LNX2: variants seen among roughly 807,000 people sequenced by gnomAD.
The protein encoded by LNX2 is ligand of numb-protein X 2.
Under a neutral mutation model 66.2 loss-of-function variants are expected in LNX2, and 35 were observed. The ratio of observed to expected loss-of-function variants is 0.53; its 90% confidence interval spans 0.40 to 0.70. The LOEUF is 0.70. LNX2 is among the 30% of genes least tolerant of loss of function. The pLI is 0.00. For missense variants in LNX2, 791 were observed against 850.8 expected (o/e 0.93, Z 0.87); for synonymous variants, 337 against 315.6 (o/e 1.07, Z -0.72).
At chr13:27,548,513 G>A (rs1030253211) in intron 9 of LNX2, 43 bp from the exon 10 acceptor site, 1 of 1,576,876 alleles carries the variant, frequency 6.3e-7, no homozygotes, top group Admixed American at 1.9e-5. Flanking sequence ...TATTTTCATG[G>A]TATTAAAAAT....
rs1159488427 is a variant in LNX2 at position 27,581,762 on chromosome 13, AACAG to A, written c.-63_-60del. On this transcript the variant is annotated 5_prime_UTR_variant, in exon 2 of 10. Transcript: ENST00000316334. ...TTCCACTTCACGCTTGGTTTCCTTTAACAGACAGTGATGTATCTGACTAAAGTCA... is the reference window on the plus strand; with the variant it reads ...TTCCACTTCACGCTTGGTTTCCTTTAACAGTGATGTATCTGACTAAAGTCA... The A allele has an allele frequency of 7.0e-7, 1 of 1,438,080 alleles. No individual in the cohort carries two copies. The highest frequency in any genetic ancestry group is 9.4e-7 in the Non-Finnish European group (1 of 1,061,510). 89.1% of individuals were successfully genotyped at this position (1,438,080 alleles called of 1,614,324 possible). A position where few individuals can be genotyped will look rare whatever the true frequency, so the allele number is the denominator to read the frequency against.
At chr13:27,577,456 C>T (rs1288082862) in intron 2 of LNX2, among the ~76,000 whole-genome samples, 3 of 152,098 alleles carry the variant, frequency 2.0e-5, no homozygotes, top group African/African-American at 7.2e-5. Flanking sequence ...GCAGGGTTGT[C>T]CAATCTTTTG....
At chr13:27,588,536 A>C (rs1345343696) in intron 1 of LNX2, among the ~76,000 whole-genome samples, 2 of 152,208 alleles carry the variant, frequency 1.3e-5, no homozygotes, top group Non-Finnish European at 2.9e-5. Context: ...TAATAGGGCA[A>C]CACAAGGGGT....
Position 27,562,668 on chromosome 13 carries a change from T to A in LNX2, c.969A>T (p.Arg323=). 6.2e-7 allele frequency: 1 copy of A among 1,614,160 alleles called. No individual in the cohort carries two copies. The highest frequency in any genetic ancestry group is 8.5e-7 in the Non-Finnish European group (1 of 1,180,024). The change falls in exon 5 of 10, where the codon CGA becomes CGT. Residue 323 remains arginine (R), a synonymous_variant. Transcript: ENST00000316334. ...AGTTACTATCAGAATGGTTGTGTGC[T>A]CGGTTGCCAAAGCGCCTCTCTCGAA... The part of the protein sequence containing the change: ...TVLRERRFGN[R]AHNHSDSNSP...
chr13:27,610,147 A>T (rs1252787264), intron 1 of LNX2, among the ~76,000 whole-genome samples: 4 of 152,198 alleles, frequency 2.6e-5, no homozygotes, highest in African/African-American at 9.7e-5. Flanking sequence ...CTACTGATCA[A>T]ATGCTTGACA....
intron 1 of LNX2, among the ~76,000 whole-genome samples, chr13:27,597,436 G>A (rs1304889819): frequency 6.6e-6 from 1 of 152,150 alleles, no homozygotes; most frequent in Non-Finnish European, 1.5e-5. Flanking sequence ...GGGGAACAAG[G>A]AACAACAGCT....
At chr13:27,601,541 G>A (rs891237086) in intron 1 of LNX2, among the ~76,000 whole-genome samples, 3 of 152,178 alleles carry the variant, frequency 2.0e-5, no homozygotes, top group South Asian at 2.1e-4. Flanking sequence ...GTAATTAACA[G>A]TATAGTTAAG....
At chr13:27,560,203 G>A (rs983903752) in intron 5 of LNX2, among the ~76,000 whole-genome samples, 1 of 152,076 alleles carries the variant, frequency 6.6e-6, no homozygotes, top group African/African-American at 2.4e-5. Context: ...AAAATCTTGG[G>A]CATGCCGTCT....
intron 6 of LNX2, among the ~76,000 whole-genome samples, chr13:27,558,397 T>A (rs1955089102): frequency 6.6e-6 from 1 of 152,048 alleles, no homozygotes. Flanking sequence ...GAATGAGAAT[T>A]AGCATAGTTA....
At chr13:27,583,255 T>TGTGTGCGC (rs1555268514) in intron 1 of LNX2, among the ~76,000 whole-genome samples, 8 of 58,516 alleles carry the variant, frequency 1.4e-4, no homozygotes, top group Non-Finnish European at 1.6e-4. Context: ...TGTGTGTGTG[T>TGTGTGCGC]GCGCGCGTCC....
At chr13:27,603,648 T>C (rs180898289) in intron 1 of LNX2, among the ~76,000 whole-genome samples, 1 of 152,308 alleles carries the variant, frequency 6.6e-6, no homozygotes, top group Non-Finnish European at 1.5e-5. Flanking sequence ...AACAGTTTCA[T>C]GGTCAGATCC....
At chr13:27,570,662 G>A (rs138291291) in intron 2 of LNX2, among the ~76,000 whole-genome samples, 58 of 152,150 alleles carry the variant, frequency 3.8e-4, no homozygotes, top group African/African-American at 1.2e-3. Flanking sequence ...GGTTTAATTC[G>A]AAATATATTT....
At position 27,559,923 on chromosome 13, in the gene LNX2, G is replaced by T. The variant is rs1955109594; in HGVS notation, c.1287C>A (p.Thr429=). ...ARPGKPQPGN[T]IREAGNHSSS... ...TGCTATGATTTCCTGCTTCTCTAAT[G>T]GTGTTACCAGGCTGGGGTTTCCCTG... Residue 429 remains threonine, a synonymous_variant, in exon 6 of 10, where the codon ACC becomes ACA. Transcript: ENST00000316334. 1 of 1,611,190 alleles carries T rather than the reference G, an allele frequency of 6.2e-7. No individual in the cohort carries two copies. Among genetic ancestry groups the T allele is most frequent in the Non-Finnish European group, 8.5e-7 (1 of 1,178,124 alleles).
intron 1 of LNX2, among the ~76,000 whole-genome samples, chr13:27,603,706 A>G (rs1027404280): frequency 2.0e-5 from 3 of 152,136 alleles, no homozygotes; most frequent in African/African-American, 7.2e-5. Context: ...CAATCCCTAC[A>G]TAGTTACTGT....
chr13:27,613,474 A>C (rs529757010), intron 1 of LNX2, among the ~76,000 whole-genome samples: 1 of 152,330 alleles, frequency 6.6e-6, no homozygotes, highest in Admixed American at 6.5e-5. Flanking sequence ...ATGAATGTTA[A>C]GACACAGTGG....
intron 4 of LNX2, among the ~76,000 whole-genome samples, chr13:27,563,708 T>C (rs1955170183): frequency 6.6e-6 from 1 of 152,158 alleles, no homozygotes; most frequent in Non-Finnish European, 1.5e-5. Context: ...GAGTTAGGTG[T>C]TTATGATCAC....
chr13:27,583,255 T>TGTGTGC (rs1555268514), intron 1 of LNX2, among the ~76,000 whole-genome samples: 1 of 58,530 alleles, frequency 1.7e-5, no homozygotes, highest in African/African-American at 7.5e-5. Flanking sequence ...TGTGTGTGTG[T>TGTGTGC]GCGCGCGTCC....
At chr13:27,592,452 T>G (rs1040940065) in intron 1 of LNX2, among the ~76,000 whole-genome samples, 4 of 152,062 alleles carry the variant, frequency 2.6e-5, no homozygotes, top group Non-Finnish European at 4.4e-5. Flanking sequence ...AGAGAGCAGG[T>G]TTAATGGGTA....
At chr13:27,599,595 C>A (rs1176190102) in intron 1 of LNX2, among the ~76,000 whole-genome samples, 1 of 152,122 alleles carries the variant, frequency 6.6e-6, no homozygotes, top group Non-Finnish European at 1.5e-5. Context: ...AATTAGTAAT[C>A]CATATTTACA....
Sources: allele counts gnomAD v4.1 joint callset (sites outside exome capture counted in the v4.1 genomes callset), GRCh38; gene constraint gnomAD v4.1.1; transcripts MANE v1.5; gene names NCBI Gene and HGNC (gene_info 2026-07-23, HGNC 2026-07-21).